The following GNL1 variants were observed in gnomAD, a reference collection of about 807,000 sequenced individuals.
GNL1 encodes guanine nucleotide-binding protein-like 1.
In GNL1, 21 loss-of-function variants were observed where a neutral mutation model predicts 75.2. That is an observed-to-expected ratio of 0.28 (90% CI 0.20 to 0.40). GNL1 has a LOEUF of 0.40. Ranked by LOEUF, GNL1 falls within the 10% of genes least tolerant of loss-of-function variation. The pLI is 1.00. For missense variants in GNL1, 579 were observed against 775.0 expected, an observed-to-expected ratio of 0.75 and a Z score of 3.00; for synonymous variants, 287 against 303.4, an observed-to-expected ratio of 0.95 and a Z score of 0.56.
In GNL1 at chr6:30,548,847, A is replaced by C. The variant is rs564702350; in HGVS notation, c.1100-1317T>G. 6.6e-6 allele frequency among the ~76,000 whole-genome samples: 1 copy of C among 152,196 alleles called. No individual in the cohort carries two copies. The highest frequency in any genetic ancestry group is 6.5e-5 in the Admixed American group (1 of 15,278). The stretch of plus-strand genomic sequence containing the variant: ...TCCGCTTTGCAGGAAAACTCCTTAA[A>C]AGACTTACCTACTTTTTTCACCATT... On this transcript the variant is annotated intron_variant, in intron 8 of 11. Transcript: ENST00000376621. The surrounding 1 kb of genome is among the most constrained non-coding windows in gnomAD (Gnocchi z 4.2).
At chr6:30,553,596 C>A in intron 5 of GNL1, 39 bp from the exon 6 acceptor site, 5 of 1,451,972 alleles carry the variant, frequency 3.4e-6, no homozygotes, top group Middle Eastern at 1.7e-4. Context: ...CAGTGAAAGT[C>A]AACCCAGAGT....
rs767555737 is a variant in GNL1, at chr6:30,552,445, G to A, written c.1099+22C>T. On this transcript the variant is annotated intron_variant, in intron 8 of 11. Coordinates refer to ENST00000376621, the MANE Select transcript of GNL1 (RefSeq NM_005275.5). This position sits in a 1 kb window ranked among gnomAD's most constrained non-coding sequence, Gnocchi z 4.5. Reference sequence around the variant, plus strand: ...TCTGTACCTCCTTGGAGGCCACCACGCACAAGCTGCCACTTCCTTACCCAC... The same window carrying A: ...TCTGTACCTCCTTGGAGGCCACCACACACAAGCTGCCACTTCCTTACCCAC... 16 of 1,595,060 alleles carry A rather than the reference G, an allele frequency of 1.0e-5. No individual in the cohort carries two copies. Among genetic ancestry groups the A allele is most frequent in the African/African-American group, 2.7e-5 (2 of 74,688 alleles).
At chr6:30,554,458 A>T in intron 5 of GNL1, 117 bp downstream of exon 5, 1 of 749,344 alleles carries the variant, frequency 1.3e-6, no homozygotes, top group East Asian at 2.4e-5. Flanking sequence ...AGCACTAGGT[A>T]GAGATTAGAA....
At chr6:30,549,825 CTTTT>C (rs535787672) in intron 8 of GNL1, among the ~76,000 whole-genome samples, 2 of 129,408 alleles carry the variant, frequency 1.5e-5, no homozygotes, top group Non-Finnish European at 1.6e-5. Flanking sequence ...AATTCCATGG[CTTTT>C]TTTTTTTTTT....
In GNL1 at chr6:30,547,209, G is replaced by A. The variant is rs766820279; in HGVS notation, c.1344C>T (p.Ala448=). ...QEPYTAVGYL[A]SRIPVQALLH... ...GCAGGGCCTGCACGGGAATTCGGGAGGCCAGGTAGCCCACAGCAGTGTAGG... is the reference window on the plus strand; with the variant it reads ...GCAGGGCCTGCACGGGAATTCGGGAAGCCAGGTAGCCCACAGCAGTGTAGG... Residue 448 remains alanine (A), a synonymous_variant, in exon 10 of 12, where the codon GCC becomes GCT. Coordinates refer to ENST00000376621, the MANE Select transcript of GNL1 (RefSeq NM_005275.5). This position sits in a 1 kb window ranked among gnomAD's most constrained non-coding sequence, Gnocchi z 5.5. 5 of 1,613,426 alleles carry A rather than the reference G, an allele frequency of 3.1e-6. No individual in the cohort carries two copies. The East Asian group carries it at 6.7e-5, about 22-fold the overall frequency.
chr6:30,554,486 C>T, intron 5 of GNL1, 89 bp downstream of exon 5: 1 of 799,284 alleles, frequency 1.3e-6, no homozygotes, highest in Non-Finnish European at 2.3e-6. Flanking sequence ...AAGATAGATA[C>T]CTCTCTGTCT....
At position 30,553,471 on chromosome 6, in the gene GNL1, C is replaced by T. The variant is rs1442239890; in HGVS notation, c.687G>A (p.Leu229=). The T allele has an allele frequency of 6.2e-7, 1 of 1,612,768 alleles. No homozygotes were observed. The highest frequency in any genetic ancestry group is 2.2e-5 in the East Asian group (1 of 44,900). The stretch of plus-strand genomic sequence containing the variant: ...AGGCAACCACAAGAGCTGGCGGGGC[C>T]AGATCCACCTTGTTCAAAACCAGCA... The part of the protein sequence containing the change: ...ALVLVLNKVD[L]APPALVVAWK... Residue 229 remains leucine (L), a synonymous_variant, in exon 6 of 12, where the codon CTG becomes CTA. Coordinates refer to ENST00000376621, the MANE Select transcript of GNL1 (RefSeq NM_005275.5).
chr6:30,553,039 G>T, intron 7 of GNL1, 45 bp downstream of exon 7: 1 of 1,277,878 alleles, frequency 7.8e-7, no homozygotes, highest in Non-Finnish European at 1.1e-6. Context: ...TGCATCTTTG[G>T]TCTCCCCCAT....
Position 30,547,674 on chromosome 6 carries a change from A to T in GNL1, c.1100-144T>A. ...AATACAAATCACGCTCTGGGCTGCC[A>T]GGGTTAAATCCTGGCCCTTCCACTT... On this transcript the variant is annotated intron_variant, in intron 8 of 11. Coordinates refer to ENST00000376621, the MANE Select transcript of GNL1 (RefSeq NM_005275.5). This position sits in a 1 kb window ranked among gnomAD's most constrained non-coding sequence, Gnocchi z 5.5. 1 of 710,604 alleles carries T rather than the reference A, an allele frequency of 1.4e-6. No individual in the cohort carries two copies. The highest frequency in any genetic ancestry group is 2.3e-6 in the Non-Finnish European group (1 of 430,798). The allele number at this position is 710,604 out of a possible 1,614,324, so 44.0% of individuals were successfully genotyped here.
intron 8 of GNL1, among the ~76,000 whole-genome samples, chr6:30,550,064 G>T (rs1329150124): frequency 6.6e-6 from 1 of 152,020 alleles, no homozygotes; most frequent in African/African-American, 2.4e-5. Context: ...GGCCTCAAGT[G>T]ATCCACCTGC....
Position 30,546,268 on chromosome 6 carries a change from T to G in GNL1, c.1628A>C (p.Gln543Pro), listed in dbSNP as rs1274509516. 5.0e-6 allele frequency: 8 copies of G among 1,594,436 alleles called. No individual in the cohort carries two copies. Among genetic ancestry groups the G allele is most frequent in the Non-Finnish European group, 6.8e-6 (8 of 1,170,712 alleles). Residue 543 changes from glutamine (Q) to proline (P), a missense_variant, in exon 12 of 12, where the codon CAG (glutamine) becomes CCG (proline). By Grantham distance (76) the Gln-to-Pro change is moderately conservative. Coordinates refer to ENST00000376621, the MANE Select transcript of GNL1 (RefSeq NM_005275.5). The surrounding 1 kb of genome is among the most constrained non-coding windows in gnomAD (Gnocchi z 5.1). ...GTCACCTGCTGGCCCCACCCTGCCC[T>G]GCAAAACCACCAGCTCCGTGGTCTC... ...HPETTELVVL[Q>P]GRVGPAGDEE...
chr6:30,551,804 A>C (rs2127375433), intron 8 of GNL1, among the ~76,000 whole-genome samples: 1 of 152,286 alleles, frequency 6.6e-6, no homozygotes, highest in African/African-American at 2.4e-5. Context: ...AATTGTTATT[A>C]TTGTTATCAC....
Position 30,552,239 on chromosome 6 carries a change from A to G in GNL1, c.1099+228T>C. 2.0e-6 allele frequency: 1 copy of G among 490,214 alleles called. No individual in the cohort carries two copies. The highest frequency in any genetic ancestry group is 3.6e-6 in the Non-Finnish European group (1 of 276,964). 30.4% of individuals were successfully genotyped at this position (490,214 alleles called of 1,614,324 possible). ...AAGTAACTAAGACTCAGAGTAGCAA[A>G]ATCACTTACTCAAGACCTCACAGCT... is the stretch of plus-strand genomic sequence containing the variant. On this transcript the variant is annotated intron_variant, in intron 8 of 11. Coordinates refer to ENST00000376621, the MANE Select transcript of GNL1 (RefSeq NM_005275.5). The surrounding 1 kb of genome is among the most constrained non-coding windows in gnomAD (Gnocchi z 4.5).
chr6:30,551,591 G>A (rs1799781372), intron 8 of GNL1, among the ~76,000 whole-genome samples: 1 of 152,202 alleles, frequency 6.6e-6, no homozygotes, highest in South Asian at 2.1e-4. Context: ...CTGAGACAAA[G>A]CCCTTAAGAG....
chr6:30,555,571 C>T lies in GNL1; in HGVS notation c.223G>A (p.Gly75Ser). Residue 75 changes from glycine (G) to serine (S), a missense_variant, in exon 2 of 12, where the codon GGC becomes AGC. Gly to Ser is a moderately conservative substitution (Grantham distance 56). Transcript: ENST00000376621. The surrounding 1 kb of genome is among the most constrained non-coding windows in gnomAD (Gnocchi z 4.3). The part of the protein sequence containing the change: ...QQPSQGLGPR[G>S]YDPNRYRLHF... ...CACCCTCACCGATTTGGGTCGTAGC[C>T]TCGTGGACCCAGCCCCTGAGAAGGC... 6.2e-7 allele frequency: 1 copy of T among 1,613,808 alleles called. No homozygotes were observed. The highest frequency in any genetic ancestry group is 2.2e-5 in the East Asian group (1 of 44,866).
At position 30,545,931 on chromosome 6, in the gene GNL1, C is replaced by T. The variant is rs556365144; in HGVS notation, c.*141G>A. The T allele has an allele frequency of 4.4e-5, 29 of 654,788 alleles. No homozygotes were observed. The African/African-American group carries it at 5.5e-4, about 12-fold the overall frequency. The allele number at this position is 654,788 out of a possible 1,614,324, so 40.6% of individuals were successfully genotyped here. Reference sequence around the variant, plus strand: ...TCCCACAGCTGTTAGCCTGGAACAGCCGCTCTCACCTCAGTTCATCTGGGG... The same window carrying T: ...TCCCACAGCTGTTAGCCTGGAACAGTCGCTCTCACCTCAGTTCATCTGGGG... On this transcript the variant is annotated 3_prime_UTR_variant, in exon 12 of 12. Transcript: ENST00000376621.
Position 30,547,506 on chromosome 6 carries a change from G to A in GNL1, c.1124C>T (p.Ser375Leu), listed in dbSNP as rs1373692957. 2.5e-6 allele frequency: 4 copies of A among 1,612,514 alleles called. No individual in the cohort carries two copies. Among genetic ancestry groups the A allele is most frequent in the Non-Finnish European group, 3.4e-6 (4 of 1,179,556 alleles). ...CCGCCCCACCAGCCCATTGATCAGC[G>A]AGGACTTTCCCACATTAGGGAAACC... ...CVGFPNVGKS[S>L]LINGLVGRKV... The change falls in exon 9 of 12, where the codon TCG (serine) becomes TTG (leucine). Residue 375 changes from serine to leucine, a missense_variant. Transcript: ENST00000376621. This position sits in a 1 kb window ranked among gnomAD's most constrained non-coding sequence, Gnocchi z 5.5.
In GNL1 at chr6:30,555,834, C is replaced by T. The variant is rs763418780; in HGVS notation, c.74-114G>A. ...CACTCAACTTCTTCCGATGTTCAGT[C>T]CTCCCAGACACCCTATTTGGGACCC... On this transcript the variant is annotated intron_variant, in intron 1 of 11. Transcript: ENST00000376621. The surrounding 1 kb of genome is among the most constrained non-coding windows in gnomAD (Gnocchi z 4.3). 2.6e-6 allele frequency: 3 copies of T among 1,142,734 alleles called. No homozygotes were observed. Among genetic ancestry groups the T allele is most frequent in the South Asian group, 2.9e-5 (2 of 69,844 alleles). The allele number at this position is 1,142,734 out of a possible 1,614,324, so 70.8% of individuals were successfully genotyped here. A position where few individuals can be genotyped will look rare whatever the true frequency, so the allele number is the denominator to read the frequency against.
intron 8 of GNL1, among the ~76,000 whole-genome samples, chr6:30,551,923 C>T (rs1799805597): frequency 6.6e-6 from 1 of 152,030 alleles, no homozygotes; most frequent in Non-Finnish European, 1.5e-5. Context: ...AGTGCAGTGG[C>T]ACAATCATAG....
Sources: allele counts gnomAD v4.1 joint callset (sites outside exome capture counted in the v4.1 genomes callset), GRCh38; gene constraint gnomAD v4.1.1; non-coding constraint Gnocchi (gnomAD v3.1); transcripts MANE v1.5; gene names NCBI Gene and HGNC (gene_info 2026-07-23, HGNC 2026-07-21).